Variants in ARFIP1 observed in about 807,000 individuals in gnomAD.
ARFIP1 encodes the protein ARF interacting protein 1, also known as arfaptin-1.
Under a neutral mutation model 42.5 loss-of-function variants are expected in ARFIP1, and 24 were observed. The observed-to-expected ratio is 0.57, with a 90% CI of 0.41 to 0.80. The LOEUF (loss-of-function observed/expected upper bound fraction) is 0.80, where lower values mean the gene tolerates loss of function less well. Among genes scored for constraint, ARFIP1 ranks in the 30% least tolerant of loss-of-function variants. The pLI is 0.00. For synonymous variants in ARFIP1, 141 were observed against 153.7 expected, an observed-to-expected ratio of 0.92 and a Z score of 0.61; for missense variants, 354 against 434.0, an observed-to-expected ratio of 0.82 and a Z score of 1.64.
At chr4:152,868,706 G>C (rs1734615183) in intron 3 of ARFIP1, among the ~76,000 whole-genome samples, 1 of 152,170 alleles carries the variant, frequency 6.6e-6, no homozygotes, top group African/African-American at 2.4e-5. Context: ...AGACATGGAA[G>C]TACAGTGGTC....
intron 1 of ARFIP1, among the ~76,000 whole-genome samples, chr4:152,822,741 G>A (rs1214266235): frequency 1.3e-5 from 2 of 152,108 alleles, no homozygotes; most frequent in South Asian, 2.1e-4. Flanking sequence ...AATAAAACTG[G>A]AACTCAATTC....
At chr4:152,860,215 A>G (rs1219731940) in intron 2 of ARFIP1, among the ~76,000 whole-genome samples, 2 of 152,154 alleles carry the variant, frequency 1.3e-5, no homozygotes, top group African/African-American at 4.8e-5. Context: ...TTATCATGTT[A>G]CAGTGAAGAA....
Position 152,890,075 on chromosome 4 carries a change from A to G in ARFIP1, c.966+1768A>G, listed in dbSNP as rs149661319. ...AAAAATATTTTTGGCATTCCACCCT[A>G]TCATCACTACACAATAATACTAAAA... On this transcript the variant is annotated intron_variant, in intron 8 of 8. Transcript: ENST00000353617. Among the ~76,000 whole-genome samples the G allele has an allele frequency of 1.6e-3, 238 of 151,646 alleles. 1 individual carries two copies. Among genetic ancestry groups the G allele is most frequent in the African/African-American group, 5.1e-3 (209 of 41,378 alleles).
At chr4:152,831,301 C>CA (rs1366727058) in intron 2 of ARFIP1, among the ~76,000 whole-genome samples, 1 of 151,984 alleles carries the variant, frequency 6.6e-6, no homozygotes, top group Non-Finnish European at 1.5e-5. Flanking sequence ...ATACAGTGAA[C>CA]AAAAATATCT....
intron 2 of ARFIP1, among the ~76,000 whole-genome samples, chr4:152,856,456 T>C (rs1432308928): frequency 6.6e-6 from 1 of 152,194 alleles, no homozygotes; most frequent in Non-Finnish European, 1.5e-5. Flanking sequence ...CAATTAAAAA[T>C]AATACAGATT....
At chr4:152,882,606 G>A in intron 6 of ARFIP1, 117 bp from the exon 7 acceptor site, 1 of 998,230 alleles carries the variant, frequency 1.0e-6, no homozygotes, top group Admixed American at 3.0e-5. Flanking sequence ...AAGTAAAACT[G>A]CTACAGCTAG....
At chr4:152,870,551 G>A (rs1734792318) in intron 3 of ARFIP1, among the ~76,000 whole-genome samples, 1 of 152,092 alleles carries the variant, frequency 6.6e-6, no homozygotes, top group Admixed American at 6.5e-5. Flanking sequence ...TTGATAGTTT[G>A]ATGAAAAGTT....
intron 2 of ARFIP1, among the ~76,000 whole-genome samples, chr4:152,856,766 T>G (rs1461440282): frequency 1.3e-5 from 2 of 152,182 alleles, no homozygotes; most frequent in African/African-American, 4.8e-5. Context: ...AGGAAAGCTG[T>G]TATACTCACT....
chr4:152,856,225 T>A (rs1034354973), intron 2 of ARFIP1, among the ~76,000 whole-genome samples: 1 of 152,222 alleles, frequency 6.6e-6, no homozygotes, highest in Non-Finnish European at 1.5e-5. Flanking sequence ...ATTATATCTC[T>A]TTTCCAGAAA....
rs370284819 is a variant in ARFIP1, at chr4:152,829,741, C to T, written c.93+15C>T. 223 of 1,555,012 alleles carry T rather than the reference C, an allele frequency of 1.4e-4. 1 individual carries two copies. Among genetic ancestry groups the T allele is most frequent in the Non-Finnish European group, 6.9e-5 (79 of 1,142,774 alleles). On this transcript the variant is annotated intron_variant, in intron 2 of 8. Transcript: ENST00000353617. ...GCTTTAATAGGGTAAGAACACTTTT[C>T]TTTCTCTTAATGCAAAGAATCATGG... is the stretch of plus-strand genomic sequence containing the variant.
intron 1 of ARFIP1, among the ~76,000 whole-genome samples, chr4:152,797,351 T>TTAATTA (rs1295419698): frequency 3.9e-5 from 6 of 152,198 alleles, no homozygotes; most frequent in Non-Finnish European, 8.8e-5. Flanking sequence ...CCACACTGCT[T>TTAATTA]TAATTATAGA....
intron 2 of ARFIP1, among the ~76,000 whole-genome samples, chr4:152,838,106 T>C (rs1201940504): frequency 6.6e-6 from 1 of 152,224 alleles, no homozygotes; most frequent in African/African-American, 2.4e-5. Context: ...GGTTTATTTC[T>C]GGGTTCTCTA....
chr4:152,819,851 A>G (rs1294054792), intron 1 of ARFIP1, among the ~76,000 whole-genome samples: 2 of 152,122 alleles, frequency 1.3e-5, no homozygotes, highest in Non-Finnish European at 2.9e-5. Flanking sequence ...CACTGCAAAC[A>G]TAGCTACAGC....
At chr4:152,842,862 T>G (rs906219619) in intron 2 of ARFIP1, among the ~76,000 whole-genome samples, 3 of 152,312 alleles carry the variant, frequency 2.0e-5, no homozygotes, top group African/African-American at 7.2e-5. Context: ...GGTCTTCGCA[T>G]TTCTCTGGTC....
intron 2 of ARFIP1, among the ~76,000 whole-genome samples, chr4:152,840,979 G>A (rs780255466): frequency 2.0e-5 from 3 of 151,606 alleles, no homozygotes; most frequent in Admixed American, 6.6e-5. Flanking sequence ...CTCGACCTCC[G>A]AAAGTGCTGG....
chr4:152,874,730 T>C (rs1471453310), intron 5 of ARFIP1, among the ~76,000 whole-genome samples: 1 of 152,224 alleles, frequency 6.6e-6, no homozygotes, highest in Non-Finnish European at 1.5e-5. Context: ...AGTTGTATGA[T>C]CATGGATCAC....
chr4:152,900,953 TAACA>T (rs1737781936), intron 8 of ARFIP1, among the ~76,000 whole-genome samples: 1 of 152,232 alleles, frequency 6.6e-6, no homozygotes, highest in African/African-American at 2.4e-5. Flanking sequence ...TTGAAGAACT[TAACA>T]ATCATAAATA....
chr4:152,803,444 T>A (rs903045814), intron 1 of ARFIP1, among the ~76,000 whole-genome samples: 4 of 152,184 alleles, frequency 2.6e-5, no homozygotes, highest in Non-Finnish European at 5.9e-5. Flanking sequence ...CATTGTACAA[T>A]GTTTTCCAGC....
chr4:152,782,223 G>GGGGTGT (rs376749528), intron 1 of ARFIP1, among the ~76,000 whole-genome samples: 2 of 148,556 alleles, frequency 1.3e-5, no homozygotes, highest in East Asian at 2.0e-4. Flanking sequence ...AACAGGTAGG[G>GGGGTGT]GTGTGTGTGT....
Sources: allele counts gnomAD v4.1 joint callset (sites outside exome capture counted in the v4.1 genomes callset), GRCh38; gene constraint gnomAD v4.1.1; transcripts MANE v1.5; gene names NCBI Gene and HGNC (gene_info 2026-07-23, HGNC 2026-07-21).